The following RGS12 variants were observed in gnomAD, a reference collection of about 807,000 sequenced individuals.
RGS12 encodes the protein regulator of G protein signaling 12, also known as regulator of G-protein signaling 12.
In RGS12, 66 loss-of-function variants were observed where a neutral mutation model predicts 120.1. That is an observed-to-expected ratio of 0.55 (90% confidence interval 0.45 to 0.67). The LOEUF (loss-of-function observed/expected upper bound fraction) is 0.67, where lower values mean the gene tolerates loss of function less well. Ranked by LOEUF, RGS12 falls within the 30% of genes least tolerant of loss-of-function variation. RGS12 has a pLI of 0.00. For synonymous variants in RGS12, 827 were observed against 804.7 expected, an observed-to-expected ratio of 1.03 and a Z score of -0.47; for missense variants, 1,859 against 1,957.7, an observed-to-expected ratio of 0.95 and a Z score of 0.95.
At chr4:3,410,483 G>T (rs28505211) in intron 4 of RGS12, among the ~76,000 whole-genome samples, 46 of 152,268 alleles carry the variant, frequency 3.0e-4, no homozygotes, top group East Asian at 1.4e-3. Flanking sequence ...TGTGCCTTTG[G>T]GGGGGCTGTC....
At chr4:3,406,548 G>A (rs1417101286) in intron 4 of RGS12, among the ~76,000 whole-genome samples, 1 of 152,250 alleles carries the variant, frequency 6.6e-6, no homozygotes, top group East Asian at 1.9e-4. Flanking sequence ...GGATGGCCAT[G>A]CCCATTCCTG....
At chr4:3,306,602 C>G (rs1431190943) in intron 1 of RGS12, among the ~76,000 whole-genome samples, 3 of 152,224 alleles carry the variant, frequency 2.0e-5, no homozygotes, top group Non-Finnish European at 4.4e-5. Context: ...CATTTCCTTC[C>G]TTAAACACAA....
At chr4:3,287,707 G>A in the RGS12 span, among the ~76,000 whole-genome samples, 2 of 152,234 alleles carry the variant, frequency 1.3e-5, no homozygotes, top group Non-Finnish European at 2.9e-5. Context: ...TGTGTATTCT[G>A]GTTAAAAACA....
intron 4 of RGS12, among the ~76,000 whole-genome samples, chr4:3,388,059 C>T (rs1000883207): frequency 2.0e-5 from 3 of 152,130 alleles, no homozygotes; most frequent in African/African-American, 7.2e-5. Context: ...GTGTGTCCCT[C>T]TGAGGAAGTG....
At chr4:3,384,538 A>G (rs1718612885) in intron 3 of RGS12, among the ~76,000 whole-genome samples, 1 of 152,226 alleles carries the variant, frequency 6.6e-6, no homozygotes, top group Admixed American at 6.5e-5. Context: ...CAAAATGTGT[A>G]TGTCAGCATC....
chr4:3,342,284 C>T, intron 2 of RGS12: 1 of 558,216 alleles, frequency 1.8e-6, no homozygotes, highest in Non-Finnish European at 2.4e-6. Context: ...GAGGTGGCGA[C>T]TGATTTGCTG....
intron 3 of RGS12, among the ~76,000 whole-genome samples, chr4:3,380,488 T>C (rs1421711734): frequency 6.6e-6 from 1 of 152,236 alleles, no homozygotes; most frequent in East Asian, 1.9e-4. Flanking sequence ...CATTTCCCTT[T>C]CACACTGCCC....
intron 12 of RGS12, 148 bp downstream of exon 12, chr4:3,423,126 C>A: frequency 1.5e-6 from 1 of 686,092 alleles, no homozygotes; most frequent in South Asian, 1.7e-5. Flanking sequence ...AGGGTGGAGG[C>A]CCACACGAGG....
chr4:3,328,414 A>G (rs527381746), intron 2 of RGS12, among the ~76,000 whole-genome samples: 108 of 152,330 alleles, frequency 7.1e-4, no homozygotes, highest in African/African-American at 2.4e-3. Flanking sequence ...CATCGTATCT[A>G]AGAAAACTAG....
rs747760941 is a variant in RGS12 at position 3,420,733 on chromosome 4, C to A, written c.2838+15C>A. On this transcript the variant is annotated intron_variant, in intron 10 of 17. Transcript: ENST00000336727. Reference sequence around the variant, plus strand: ...GCCTGGACCTGGTGAGTCACTGTCTCCCCTCGTCCCACAGGCCTCAGGGGT... The same window carrying A: ...GCCTGGACCTGGTGAGTCACTGTCTACCCTCGTCCCACAGGCCTCAGGGGT... 1.9e-6 allele frequency: 3 copies of A among 1,608,268 alleles called. No individual in the cohort carries two copies. The South Asian group carries it at 3.3e-5, about 18-fold the overall frequency.
intron 2 of RGS12, among the ~76,000 whole-genome samples, chr4:3,322,042 C>G (rs903762770): frequency 6.6e-6 from 1 of 152,194 alleles, no homozygotes; most frequent in African/African-American, 2.4e-5. Context: ...TTTGCCAACG[C>G]TTTTGTCACT....
At chr4:3,315,966 TG>T in intron 1 of RGS12, 103 bp from the exon 2 acceptor site, 1 of 468,942 alleles carries the variant, frequency 2.1e-6, no homozygotes, top group Admixed American at 3.9e-5. Flanking sequence ...GCTCTTTCTG[TG>T]GTGGTTTTTA....
intron 3 of RGS12, among the ~76,000 whole-genome samples, chr4:3,368,095 GGC>G (rs988714237): frequency 1.1e-4 from 17 of 152,216 alleles, no homozygotes; most frequent in African/African-American, 3.6e-4. Flanking sequence ...TCGGTTCTCA[GGC>G]GCTGGTGGCT....
At position 3,365,969 on chromosome 4, in the gene RGS12, T is replaced by C. The variant is rs980677294; in HGVS notation, c.1999-20447T>C. ...AGGCAGTGGGGAACATGCTCAGTGT[T>C]GACCCCTCCCTGCCTTGTGGAGCTG... is the stretch of plus-strand genomic sequence containing the variant. On this transcript the variant is annotated intron_variant, in intron 3 of 17. Transcript: ENST00000336727. The surrounding 1 kb of genome is among the most constrained non-coding windows in gnomAD (Gnocchi z 4.0). 4.3e-4 allele frequency among the ~76,000 whole-genome samples: 66 copies of C among 152,156 alleles called. No individual in the cohort carries two copies. The highest frequency in any genetic ancestry group is 1.5e-3 in the African/African-American group (62 of 41,436).
chr4:3,367,271 T>C (rs1314187736), intron 3 of RGS12, among the ~76,000 whole-genome samples: 1 of 152,262 alleles, frequency 6.6e-6, no homozygotes, highest in Non-Finnish European at 1.5e-5. Context: ...GGATCCGCGG[T>C]GGGCCTGCGT....
In RGS12 at chr4:3,430,456, A is replaced by G. The variant is rs1439617647; in HGVS notation, c.3615A>G (p.Gln1205=). 6.2e-7 allele frequency: 1 copy of G among 1,613,774 alleles called. No individual in the cohort carries two copies. Among genetic ancestry groups the G allele is most frequent in the African/African-American group, 1.3e-5 (1 of 74,942 alleles). The part of the protein sequence containing the change: ...SKAQSNRADD[Q]RGLLRKEDLV... ...CTCAGAGCAACAGAGCAGATGACCA[A>G]CGTGGGCTGCTAAGGAAGGAAGACC... Residue 1205 remains glutamine, a synonymous_variant, in exon 17 of 18, where the codon CAA becomes CAG. Coordinates refer to ENST00000336727, the MANE Select transcript of RGS12 (RefSeq NM_001394154.1).
intron 4 of RGS12, among the ~76,000 whole-genome samples, chr4:3,392,965 G>A (rs1366409578): frequency 6.6e-6 from 1 of 152,182 alleles, no homozygotes; most frequent in Non-Finnish European, 1.5e-5. Context: ...TCCAGCCTGG[G>A]GGCAGAGTGA....
At chr4:3,328,493 G>A (rs991982553) in intron 2 of RGS12, among the ~76,000 whole-genome samples, 2 of 152,206 alleles carry the variant, frequency 1.3e-5, no homozygotes, top group Non-Finnish European at 2.9e-5. Context: ...TCAGGACTCT[G>A]TAGAGTCCCC....
At chr4:3,370,332 C>G (rs747359734) in intron 3 of RGS12, 1 of 1,613,306 alleles carries the variant, frequency 6.2e-7, no homozygotes, top group East Asian at 2.2e-5. Context: ...GTAAGTAGTT[C>G]CGGCTTTTTC....
Sources: gnomAD v4.1 joint callset for allele counts (sites outside exome capture counted in the v4.1 genomes callset) on GRCh38, gnomAD v4.1.1 for gene constraint, Gnocchi (gnomAD v3.1) non-coding constraint, MANE v1.5 for transcripts, NCBI Gene and HGNC (gene_info 2026-07-23, HGNC 2026-07-21) for gene names.